Variants in CBFB observed in about 807,000 individuals in gnomAD.
CBFB encodes the protein CBF-beta.
CBFB carries 9 observed loss-of-function variants against 30.4 expected under a neutral mutation model. The ratio of observed to expected loss-of-function variants is 0.30; its 90% CI spans 0.18 to 0.52. The LOEUF is 0.52. Ranked by LOEUF, CBFB falls within the 20% of genes least tolerant of loss-of-function variation. The probability of loss-of-function intolerance (pLI) is 0.97; values close to 1 mark genes in which losing one functional copy is unlikely to be tolerated. For missense variants in CBFB, 170 were observed against 244.0 expected, an observed-to-expected ratio of 0.70 and a Z score of 2.02; for synonymous variants, 94 against 84.0, an observed-to-expected ratio of 1.12 and a Z score of -0.65.
At chr16:67,093,759 G>A (rs1307359407) in intron 5 of CBFB, 1 of 152,208 alleles carries the variant, frequency 6.6e-6, no homozygotes, top group African/African-American at 2.4e-5. Flanking sequence ...TAAAAGGTTA[G>A]AATCAAGGCC....
At chr16:67,063,486 G>T (rs1022459359) in intron 3 of CBFB, among the ~76,000 whole-genome samples, 1 of 149,852 alleles carries the variant, frequency 6.7e-6, no homozygotes, top group South Asian at 2.1e-4. Flanking sequence ...CAGTCTACCA[G>T]GCTAGAGTGC....
chr16:67,097,343 C>T (rs1343364492), intron 5 of CBFB, among the ~76,000 whole-genome samples: 13 of 151,640 alleles, frequency 8.6e-5, no homozygotes, highest in Admixed American at 1.3e-4. Flanking sequence ...GTCGGAAGTT[C>T]GAGACCAGCC....
chr16:67,067,598 G>A (rs530102200), intron 4 of CBFB, among the ~76,000 whole-genome samples: 3 of 152,268 alleles, frequency 2.0e-5, no homozygotes, highest in South Asian at 2.1e-4. Context: ...GTGACAGTCT[G>A]TGTCATTTTA....
intron 5 of CBFB, among the ~76,000 whole-genome samples, chr16:67,088,691 G>A (rs1961796153): frequency 6.6e-6 from 1 of 152,166 alleles, no homozygotes; most frequent in Admixed American, 6.5e-5. Flanking sequence ...CTGGAGAGGA[G>A]GGCCAGAGAA....
At chr16:67,064,029 T>C (rs1960983920) in intron 3 of CBFB, among the ~76,000 whole-genome samples, 1 of 152,152 alleles carries the variant, frequency 6.6e-6, no homozygotes, top group Admixed American at 6.5e-5. Context: ...TGCAGGTAAA[T>C]GAAAAGCCTC....
Position 67,099,850 on chromosome 16 carries a change from T to G in CBFB, c.*1072T>G, listed in dbSNP as rs1203499172. The G allele has an allele frequency of 4.7e-6, 1 of 212,510 alleles. No individual in the cohort carries two copies. The highest frequency in any genetic ancestry group is 9.5e-6 in the Non-Finnish European group (1 of 104,772). 13.2% of individuals were successfully genotyped at this position (212,510 alleles called of 1,614,324 possible). ...AAGATAGCTGCTTTTATGTGTATTTTATATTGCATGCTTTTGTAAAAACAT... is the reference window on the plus strand; with the variant it reads ...AAGATAGCTGCTTTTATGTGTATTTGATATTGCATGCTTTTGTAAAAACAT... On this transcript the variant is annotated 3_prime_UTR_variant, in exon 6 of 6. Coordinates refer to ENST00000412916, the MANE Select transcript of CBFB (RefSeq NM_022845.3).
intron 5 of CBFB, among the ~76,000 whole-genome samples, chr16:67,088,333 TG>T (rs1961785892): frequency 6.6e-6 from 1 of 152,190 alleles, no homozygotes; most frequent in African/African-American, 2.4e-5. Context: ...TGGAGAAAAA[TG>T]TTGTTTCCCC....
At chr16:67,085,577 C>T (rs925280917) in intron 5 of CBFB, among the ~76,000 whole-genome samples, 3 of 152,016 alleles carry the variant, frequency 2.0e-5, no homozygotes, top group East Asian at 1.9e-4. Context: ...TCACTGTAGC[C>T]TCAACCTCGT....
intron 4 of CBFB, among the ~76,000 whole-genome samples, chr16:67,069,532 A>T (rs183195635): frequency 5.3e-4 from 80 of 152,310 alleles, no homozygotes; most frequent in Middle Eastern, 6.8e-3. Flanking sequence ...TGAAAGTTTC[A>T]GGAAAGGAAA....
intron 3 of CBFB, among the ~76,000 whole-genome samples, chr16:67,045,680 G>C (rs1362590105): frequency 6.6e-6 from 1 of 152,042 alleles, no homozygotes; most frequent in African/African-American, 2.4e-5. Flanking sequence ...TAGTGTAAAG[G>C]TGAAATTCTC....
intron 5 of CBFB, among the ~76,000 whole-genome samples, chr16:67,095,525 G>A (rs1484026740): frequency 6.6e-6 from 1 of 151,900 alleles, no homozygotes; most frequent in Non-Finnish European, 1.5e-5. Context: ...TCAAACAACT[G>A]GTAAAATGGA....
At chr16:67,074,134 A>G (rs1029649286) in intron 4 of CBFB, among the ~76,000 whole-genome samples, 4 of 150,694 alleles carry the variant, frequency 2.7e-5, no homozygotes, top group African/African-American at 9.8e-5. Context: ...TAACACATGA[A>G]TTTCACAGGG....
At chr16:67,030,037 G>C (rs1398764863) in intron 2 of CBFB, 2 of 452,946 alleles carry the variant, frequency 4.4e-6, no homozygotes, top group Admixed American at 4.6e-5. Context: ...GTCGGCCAAC[G>C]GAGCACCGCG....
In CBFB at chr16:67,100,026, G is replaced by A. The variant is rs1010880095; in HGVS notation, c.*1248G>A. 9.5e-6 allele frequency: 2 copies of A among 209,798 alleles called. No homozygotes were observed. Among genetic ancestry groups the A allele is most frequent in the African/African-American group, 4.5e-5 (2 of 44,046 alleles). The allele number at this position is 209,798 out of a possible 1,614,324, so 13.0% of individuals were successfully genotyped here. A position where few individuals can be genotyped will look rare whatever the true frequency, so the allele number is the denominator to read the frequency against. On this transcript the variant is annotated 3_prime_UTR_variant, in exon 6 of 6. Coordinates refer to ENST00000412916, the MANE Select transcript of CBFB (RefSeq NM_022845.3). ...ATAGAACCTTTTGAGATGAATTAAT[G>A]TAAGAATATTTTTTAAATAGGCTTA...
intron 3 of CBFB, among the ~76,000 whole-genome samples, chr16:67,062,190 C>CA (rs1213686193): frequency 2.0e-5 from 3 of 149,336 alleles, no homozygotes; most frequent in Non-Finnish European, 3.0e-5. Context: ...TTTTTTGAGA[C>CA]AGAGTTTTGC....
intron 5 of CBFB, among the ~76,000 whole-genome samples, chr16:67,087,707 A>G (rs190502904): frequency 2.0e-5 from 3 of 152,282 alleles, no homozygotes; most frequent in East Asian, 3.9e-4. Context: ...GCTCAGATAG[A>G]TTGTTTCTAC....
intron 3 of CBFB, among the ~76,000 whole-genome samples, chr16:67,048,149 G>A (rs557387360): frequency 6.6e-6 from 1 of 152,138 alleles, no homozygotes; most frequent in Admixed American, 6.6e-5. Flanking sequence ...GGCTGGGGTG[G>A]GAGAGTTGCT....
intron 4 of CBFB, among the ~76,000 whole-genome samples, chr16:67,081,126 C>T (rs1404581388): frequency 9.2e-6 from 1 of 108,672 alleles, no homozygotes; most frequent in African/African-American, 3.5e-5. Flanking sequence ...ATCCCTCCCC[C>T]CTCCCCCCAC....
chr16:67,071,191 G>T (rs1044124585), intron 4 of CBFB, among the ~76,000 whole-genome samples: 1 of 152,054 alleles, frequency 6.6e-6, no homozygotes, highest in Non-Finnish European at 1.5e-5. Flanking sequence ...AGATGCTAGG[G>T]GCAGGAGTTC....
Sources: allele counts gnomAD v4.1 joint callset (sites outside exome capture counted in the v4.1 genomes callset), GRCh38; gene constraint gnomAD v4.1.1; transcripts MANE v1.5; gene names NCBI Gene and HGNC (gene_info 2026-07-23, HGNC 2026-07-21).